CSTPP1: variants seen among roughly 807,000 people sequenced by gnomAD.
CSTPP1 encodes the protein centriolar satellite-associated tubulin polyglutamylase complex regulator 1.
chr11:46,954,493 G>A, the CSTPP1 span, among the ~76,000 whole-genome samples: 3 of 152,120 alleles, frequency 2.0e-5, no homozygotes, highest in African/African-American at 7.2e-5. Context: ...AGGTGGCAGT[G>A]AGCCGAGATC....
the CSTPP1 span, among the ~76,000 whole-genome samples, chr11:47,039,027 G>A: frequency 8.2e-6 from 1 of 121,516 alleles, no homozygotes; most frequent in Non-Finnish European, 2.0e-5. Flanking sequence ...ATGGGATGGC[G>A]GCCGGGCAGA....
the CSTPP1 span, among the ~76,000 whole-genome samples, chr11:47,046,118 T>C: frequency 6.6e-6 from 1 of 152,018 alleles, no homozygotes; most frequent in Non-Finnish European, 1.5e-5. Flanking sequence ...AAAAGGTATA[T>C]TGTCCTGTAG....
the CSTPP1 span, among the ~76,000 whole-genome samples, chr11:47,049,494 T>G: frequency 0.028 from 4,231 of 151,592 alleles, 102 homozygotes; most frequent in Middle Eastern, 0.078. Context: ...AAAAAATAGC[T>G]GAGTGTGATG....
At chr11:47,016,684 G>A in the CSTPP1 span, among the ~76,000 whole-genome samples, 1 of 152,056 alleles carries the variant, frequency 6.6e-6, no homozygotes, top group Admixed American at 6.6e-5. Context: ...TGGACAGGAG[G>A]TCACAGGCAG....
At chr11:46,980,331 G>A in the CSTPP1 span, among the ~76,000 whole-genome samples, 1 of 152,142 alleles carries the variant, frequency 6.6e-6, no homozygotes, top group African/African-American at 2.4e-5. Context: ...TTTGCCTCTG[G>A]CGTGTCTTTT....
chr11:47,161,784 GCT>G, the CSTPP1 span: 61 of 1,417,806 alleles, frequency 4.3e-5, no homozygotes, highest in Non-Finnish European at 5.1e-5. Flanking sequence ...AGCCAGAGGG[GCT>G]CTGATGATCA....
the CSTPP1 span, among the ~76,000 whole-genome samples, chr11:46,980,952 A>G: frequency 6.6e-6 from 1 of 152,208 alleles, no homozygotes; most frequent in Non-Finnish European, 1.5e-5. Flanking sequence ...AGATACTCAT[A>G]CAGCTGGTGG....
the CSTPP1 span, among the ~76,000 whole-genome samples, chr11:46,990,610 T>C: frequency 6.6e-6 from 1 of 152,212 alleles, no homozygotes; most frequent in African/African-American, 2.4e-5. Flanking sequence ...TTTCTTTTGC[T>C]GTGCAGAAGC....
At chr11:47,054,841 C>T in the CSTPP1 span, among the ~76,000 whole-genome samples, 1 of 151,680 alleles carries the variant, frequency 6.6e-6, no homozygotes, top group Non-Finnish European at 1.5e-5. Flanking sequence ...GAGAGAAGAC[C>T]GTGGTAATTT....
chr11:47,047,101 A>G, the CSTPP1 span, among the ~76,000 whole-genome samples: 2 of 152,034 alleles, frequency 1.3e-5, no homozygotes, highest in Non-Finnish European at 2.9e-5. Context: ...GGGTTTCACC[A>G]TGTTGGCCAG....
the CSTPP1 span, among the ~76,000 whole-genome samples, chr11:47,065,749 T>A: frequency 6.6e-6 from 1 of 151,856 alleles, no homozygotes; most frequent in African/African-American, 2.4e-5. Context: ...ATTATTATTA[T>A]TATTATTTTT....
the CSTPP1 span, among the ~76,000 whole-genome samples, chr11:47,059,567 A>G: frequency 2.6e-5 from 4 of 152,204 alleles, no homozygotes; most frequent in South Asian, 2.1e-4. Context: ...ACGTTCTAAA[A>G]ACAGGGAACA....
At chr11:47,061,557 CTT>C in the CSTPP1 span, among the ~76,000 whole-genome samples, 3 of 152,176 alleles carry the variant, frequency 2.0e-5, no homozygotes, top group African/African-American at 7.2e-5. Context: ...GGGTGGCTGT[CTT>C]TGAATTATTA....
At chr11:47,122,197 C>T in the CSTPP1 span, among the ~76,000 whole-genome samples, 1 of 147,638 alleles carries the variant, frequency 6.8e-6, no homozygotes, top group African/African-American at 2.5e-5. Context: ...TTTCCTGTCA[C>T]TCCTGCCCTC....
chr11:47,141,453 A>G, the CSTPP1 span, among the ~76,000 whole-genome samples: 99 of 151,904 alleles, frequency 6.5e-4, no homozygotes, highest in African/African-American at 2.3e-3. Flanking sequence ...CAAAAATACA[A>G]AAACTTAGCC....
chr11:47,138,715 C>T, the CSTPP1 span, among the ~76,000 whole-genome samples: 1 of 151,792 alleles, frequency 6.6e-6, no homozygotes, highest in Non-Finnish European at 1.5e-5. Flanking sequence ...CGGTGGCTCA[C>T]GCCTGTAATC....
the CSTPP1 span, among the ~76,000 whole-genome samples, chr11:47,054,164 A>G: frequency 2.6e-5 from 4 of 151,552 alleles, no homozygotes; most frequent in East Asian, 5.8e-4. Flanking sequence ...CAAAAAAATT[A>G]GCCGGGTGTG....
At chr11:47,036,241 TTTATATA>T in the CSTPP1 span, among the ~76,000 whole-genome samples, 24 of 53,318 alleles carry the variant, frequency 4.5e-4, 2 homozygotes, top group Admixed American at 1.5e-3. Flanking sequence ...ATATATTATA[TTTATATA>T]TTATATATTA....
chr11:47,007,257 C>T, the CSTPP1 span, among the ~76,000 whole-genome samples: 2 of 152,008 alleles, frequency 1.3e-5, no homozygotes, highest in Non-Finnish European at 2.9e-5. Flanking sequence ...TCTCAAACTC[C>T]TGACCTCAAA....
Sources: allele counts gnomAD v4.1 joint callset (sites outside exome capture counted in the v4.1 genomes callset), GRCh38; gene constraint gnomAD v4.1.1; transcripts MANE v1.5; gene names NCBI Gene and HGNC (gene_info 2026-07-23, HGNC 2026-07-21).